MECOM: variants seen among roughly 807,000 people sequenced by gnomAD.
The protein encoded by MECOM is histone-lysine N-methyltransferase MECOM.
A neutral mutation model predicts 116.3 loss-of-function variants in MECOM; 13 were observed. The observed-to-expected ratio is 0.11, with a 90% CI of 0.07 to 0.18. The LOEUF (loss-of-function observed/expected upper bound fraction) is 0.18, where lower values mean the gene tolerates loss of function less well. Among genes scored for constraint, MECOM ranks in the 10% least tolerant of loss-of-function variants. The pLI is 1.00. For missense variants in MECOM, 1,299 were observed against 1,509.0 expected (o/e 0.86, Z 2.31); for synonymous variants, 528 against 535.2 (o/e 0.99, Z 0.19).
chr3:169,407,551 C>T (rs1448231460), intron 1 of MECOM, among the ~76,000 whole-genome samples: 1 of 152,134 alleles, frequency 6.6e-6, no homozygotes, highest in African/African-American at 2.4e-5. Context: ...CGAAATAAAA[C>T]TACAACAAAA....
intron 1 of MECOM, among the ~76,000 whole-genome samples, chr3:169,482,131 C>A (rs1751381441): frequency 6.6e-6 from 1 of 151,786 alleles, no homozygotes; most frequent in Non-Finnish European, 1.5e-5. Context: ...TCTTTTACCT[C>A]CACCACGATC....
chr3:169,280,573 T>G (rs1452371850), intron 2 of MECOM, among the ~76,000 whole-genome samples: 1 of 152,148 alleles, frequency 6.6e-6, no homozygotes, highest in African/African-American at 2.4e-5. Context: ...TTGGGGTAGA[T>G]GAAATACAGT....
At chr3:169,587,472 C>T (rs958233630) in intron 1 of MECOM, among the ~76,000 whole-genome samples, 3 of 140,848 alleles carry the variant, frequency 2.1e-5, no homozygotes, top group African/African-American at 5.4e-5. Flanking sequence ...CACACACACA[C>T]ATAAACAATC....
intron 2 of MECOM, among the ~76,000 whole-genome samples, chr3:169,174,964 C>T (rs1055646164): frequency 1.3e-5 from 2 of 150,360 alleles, no homozygotes; most frequent in Non-Finnish European, 3.0e-5. Flanking sequence ...CATCTGGTAC[C>T]TATTGATTGC....
intron 14 of MECOM, 73 bp from the exon 15 acceptor site, chr3:169,090,309 G>A (rs1719267169): frequency 1.5e-6 from 2 of 1,345,554 alleles, no homozygotes; most frequent in South Asian, 2.8e-5. Context: ...CCTTTATTAT[G>A]TCTTCCCAAC....
chr3:169,557,164 C>T (rs534758246), intron 1 of MECOM, among the ~76,000 whole-genome samples: 1 of 152,278 alleles, frequency 6.6e-6, no homozygotes, highest in Admixed American at 6.5e-5. Context: ...TGTGTACAGT[C>T]AGGGTACCTA....
At chr3:169,425,668 T>C (rs1560258106) in intron 1 of MECOM, among the ~76,000 whole-genome samples, 1 of 152,170 alleles carries the variant, frequency 6.6e-6, no homozygotes, top group African/African-American at 2.4e-5. Flanking sequence ...CAGTAAGCGA[T>C]AGAGCATATT....
intron 2 of MECOM, among the ~76,000 whole-genome samples, chr3:169,264,531 T>C (rs1172045795): frequency 6.6e-6 from 1 of 152,146 alleles, no homozygotes; most frequent in East Asian, 1.9e-4. Flanking sequence ...ATCTAGTCCA[T>C]ATGGAGCCAC....
At chr3:169,090,313 T>C in intron 14 of MECOM, 77 bp from the exon 15 acceptor site, 2 of 1,295,646 alleles carry the variant, frequency 1.5e-6, no homozygotes, top group Non-Finnish European at 2.1e-6. Flanking sequence ...TATTATGTCT[T>C]CCCAACAACA....
rs142884985 is a variant in MECOM at position 169,502,624 on chromosome 3, G to A, written c.38-121100C>T. On this transcript the variant is annotated intron_variant, in intron 1 of 16. Coordinates refer to ENST00000651503, the MANE Select transcript of MECOM (RefSeq NM_004991.4). The stretch of plus-strand genomic sequence containing the variant: ...GTAATCTCATGACTTCTAATTCAGT[G>A]TTCTTTACACTCTGCCACAGATAAA... Among the ~76,000 whole-genome samples the A allele has an allele frequency of 6.7e-3, 1,019 of 152,144 alleles. 2 individuals are homozygous for A. The highest frequency in any genetic ancestry group is 0.01 in the Non-Finnish European group (701 of 67,980).
At chr3:169,207,654 T>TA (rs1212196115) in intron 2 of MECOM, among the ~76,000 whole-genome samples, 1 of 152,192 alleles carries the variant, frequency 6.6e-6, no homozygotes, top group African/African-American at 2.4e-5. Context: ...CATAGATTTC[T>TA]AAGAAAAGGA....
intron 2 of MECOM, among the ~76,000 whole-genome samples, chr3:169,219,651 T>C (rs1256769487): frequency 6.6e-6 from 1 of 152,236 alleles, no homozygotes; most frequent in East Asian, 1.9e-4. Context: ...TAGCTACATA[T>C]GTAGGGGTGG....
intron 2 of MECOM, among the ~76,000 whole-genome samples, chr3:169,305,778 G>A (rs1039464995): frequency 6.6e-6 from 1 of 151,864 alleles, no homozygotes; most frequent in Non-Finnish European, 1.5e-5. Flanking sequence ...CTTATCTTTT[G>A]TATGTCACAC....
intron 1 of MECOM, among the ~76,000 whole-genome samples, chr3:169,565,577 G>A (rs944858710): frequency 1.3e-5 from 2 of 152,148 alleles, no homozygotes; most frequent in South Asian, 4.2e-4. Context: ...GCCCAGCCAT[G>A]GCTTCCATCC....
chr3:169,151,334 G>A lies in MECOM; in HGVS notation c.376-7502C>T, dbSNP rs531365345. Among the ~76,000 whole-genome samples, 106 of 152,266 alleles carry A rather than the reference G, an allele frequency of 7.0e-4. 2 individuals are homozygous for A. The highest frequency in any genetic ancestry group is 2.5e-3 in the African/African-American group (104 of 41,560). ...CAACTTGCTGGCAGTTTTCAATACCGTAAAGTTAATAAAGTATGTTCCCAT... is the reference window on the plus strand; with the variant it reads ...CAACTTGCTGGCAGTTTTCAATACCATAAAGTTAATAAAGTATGTTCCCAT... On this transcript the variant is annotated intron_variant, in intron 2 of 16. Coordinates refer to ENST00000651503, the MANE Select transcript of MECOM (RefSeq NM_004991.4).
rs145739263 is a variant in MECOM, at chr3:169,480,059, G to A, written c.38-98535C>T. On this transcript the variant is annotated intron_variant, in intron 1 of 16. Coordinates refer to ENST00000651503, the MANE Select transcript of MECOM (RefSeq NM_004991.4). ...AATGGACTTTTTTCTACATTGATTC[G>A]CCTTTTGGTCAAAGTGGAGTCATCA... Among the ~76,000 whole-genome samples the A allele has an allele frequency of 4.2e-3, 645 of 152,208 alleles. 1 individual carries two copies. The highest frequency in any genetic ancestry group is 0.014 in the African/African-American group (600 of 41,542).
intron 2 of MECOM, among the ~76,000 whole-genome samples, chr3:169,276,997 T>TACAC (rs71300479): frequency 0.014 from 1,972 of 144,480 alleles, 20 homozygotes; most frequent in East Asian, 0.038. Flanking sequence ...TAATTTATGT[T>TACAC]ACACACACAC....
chr3:169,534,776 G>A (rs1759133504), intron 1 of MECOM, among the ~76,000 whole-genome samples: 1 of 152,148 alleles, frequency 6.6e-6, no homozygotes, highest in Non-Finnish European at 1.5e-5. Context: ...TTACAGAGGA[G>A]GAAACTGAGG....
In MECOM at chr3:169,533,591, T is replaced by TTTTTTTTTTTTTTTTAC. The variant is rs55667588; in HGVS notation, c.37+129744_37+129745insGTAAAAAAAAAAAAAAA. On this transcript the variant is annotated intron_variant, in intron 1 of 16. Coordinates refer to ENST00000651503, the MANE Select transcript of MECOM (RefSeq NM_004991.4). ...CCCAGTGCTGATTTTTTTTTTTTTT[T>TTTTTTTTTTTTTTTTAC]ATTTCCTTATGTCGTTGGGGGCCTG... Among the ~76,000 whole-genome samples the TTTTTTTTTTTTTTTTAC allele has an allele frequency of 2.3e-3, 298 of 132,156 alleles. 8 individuals are homozygous for TTTTTTTTTTTTTTTTAC. The highest frequency in any genetic ancestry group is 3.4e-3 in the East Asian group (16 of 4,684). 86.7% of individuals were successfully genotyped at this position (132,156 alleles called of 152,430 possible). A position where few individuals can be genotyped will look rare whatever the true frequency, so the allele number is the denominator to read the frequency against.
Sources: gnomAD v4.1 joint callset for allele counts (sites outside exome capture counted in the v4.1 genomes callset) on GRCh38, gnomAD v4.1.1 for gene constraint, MANE v1.5 for transcripts, NCBI Gene and HGNC (gene_info 2026-07-23, HGNC 2026-07-21) for gene names.